The following PXDNL variants were observed in gnomAD, a reference collection of about 807,000 sequenced individuals.
The protein encoded by PXDNL is probable oxidoreductase PXDNL.
Under a neutral mutation model 150.8 loss-of-function variants are expected in PXDNL, and 145 were observed. The ratio of observed to expected loss-of-function variants is 0.96; its 90% CI spans 0.84 to 1.10. The LOEUF is 1.10. Among genes scored for constraint, PXDNL ranks in the 50% least tolerant of loss-of-function variants. The pLI, the probability that PXDNL is intolerant of heterozygous loss-of-function variation, is 0.00. For missense variants in PXDNL, 2,087 were observed against 1,873.9 expected (o/e 1.11, Z -2.10); for synonymous variants, 757 against 725.7 (o/e 1.04, Z -0.69).
chr8:51,724,828 T>C (rs1469925405), intron 1 of PXDNL, among the ~76,000 whole-genome samples: 1 of 152,160 alleles, frequency 6.6e-6, no homozygotes, highest in Non-Finnish European at 1.5e-5. Flanking sequence ...TGAACTCTAT[T>C]GCCTTTCTCA....
At chr8:51,365,949 A>G (rs1242709674) in intron 19 of PXDNL, among the ~76,000 whole-genome samples, 1 of 152,218 alleles carries the variant, frequency 6.6e-6, no homozygotes, top group Non-Finnish European at 1.5e-5. Flanking sequence ...AAGGAAGGAG[A>G]TAGGTCCTAA....
chr8:51,371,446 T>C (rs754681928), intron 19 of PXDNL, among the ~76,000 whole-genome samples: 5 of 152,254 alleles, frequency 3.3e-5, no homozygotes, highest in Non-Finnish European at 7.3e-5. Flanking sequence ...AATTTCCTTG[T>C]ACTTCCAATG....
At chr8:51,367,507 C>T in intron 19 of PXDNL, among the ~76,000 whole-genome samples, 1 of 152,200 alleles carries the variant, frequency 6.6e-6, no homozygotes, top group East Asian at 1.9e-4. Context: ...AGAAATAAAT[C>T]TGACAACACT....
intron 1 of PXDNL, among the ~76,000 whole-genome samples, chr8:51,727,140 G>T (rs1299675007): frequency 6.6e-6 from 1 of 152,168 alleles, no homozygotes; most frequent in African/African-American, 2.4e-5. Context: ...TTCCTGAGAT[G>T]CTACAAAACA....
intron 17 of PXDNL, among the ~76,000 whole-genome samples, chr8:51,387,177 T>C (rs543372382): frequency 2.3e-4 from 34 of 150,984 alleles, no homozygotes; most frequent in Admixed American, 9.8e-4. Context: ...CACCCACTCT[T>C]ACAATTCTCC....
intron 4 of PXDNL, among the ~76,000 whole-genome samples, chr8:51,511,160 C>T (rs2130344866): frequency 6.6e-6 from 1 of 152,266 alleles, no homozygotes; most frequent in South Asian, 2.1e-4. Context: ...CTGCACTCAT[C>T]TTCTTATTTG....
At chr8:51,612,696 C>T (rs1814039105) in intron 2 of PXDNL, among the ~76,000 whole-genome samples, 2 of 152,184 alleles carry the variant, frequency 1.3e-5, no homozygotes, top group African/African-American at 4.8e-5. Flanking sequence ...TGGGAGGACA[C>T]AGGGAGAAGT....
At chr8:51,750,188 AT>A (rs903109941) in intron 1 of PXDNL, among the ~76,000 whole-genome samples, 8 of 151,670 alleles carry the variant, frequency 5.3e-5, no homozygotes, top group South Asian at 2.1e-4. Flanking sequence ...AGCTTTTTAA[AT>A]TTTTTTTTCT....
chr8:51,352,750 T>C (rs1263540482), intron 19 of PXDNL, among the ~76,000 whole-genome samples: 2 of 152,206 alleles, frequency 1.3e-5, no homozygotes, highest in Non-Finnish European at 2.9e-5. Flanking sequence ...AATGGACTAA[T>C]ACAATGGAAT....
At chr8:51,394,263 G>A (rs1808005996) in intron 17 of PXDNL, among the ~76,000 whole-genome samples, 1 of 152,120 alleles carries the variant, frequency 6.6e-6, no homozygotes, top group South Asian at 2.1e-4. Context: ...ACTCCTTTTT[G>A]TGCAACAAAC....
At chr8:51,399,406 T>C (rs999643574) in intron 17 of PXDNL, among the ~76,000 whole-genome samples, 1 of 152,104 alleles carries the variant, frequency 6.6e-6, no homozygotes, top group Non-Finnish European at 1.5e-5. Flanking sequence ...ATGAACAAAA[T>C]ATATGATCTA....
At chr8:51,493,753 C>A (rs1810961036) in intron 5 of PXDNL, among the ~76,000 whole-genome samples, 1 of 152,286 alleles carries the variant, frequency 6.6e-6, no homozygotes, top group East Asian at 1.9e-4. Flanking sequence ...AAGAAATGAA[C>A]AAAGCCTCCA....
At chr8:51,689,430 C>T (rs931931920) in intron 1 of PXDNL, among the ~76,000 whole-genome samples, 56 of 151,966 alleles carry the variant, frequency 3.7e-4, no homozygotes, top group African/African-American at 1.2e-3. Flanking sequence ...ATCAAACCAA[C>T]GCAGGGCAAA....
chr8:51,526,164 A>G (rs955576500), intron 4 of PXDNL, among the ~76,000 whole-genome samples: 4 of 152,198 alleles, frequency 2.6e-5, no homozygotes, highest in African/African-American at 9.7e-5. Flanking sequence ...CATCCAGGAC[A>G]GACAGGTGGA....
chr8:51,496,444 A>T (rs533793095), intron 5 of PXDNL, among the ~76,000 whole-genome samples: 1 of 152,320 alleles, frequency 6.6e-6, no homozygotes, highest in Non-Finnish European at 1.5e-5. Flanking sequence ...ATTAGGCAGG[A>T]GAAGGAAATA....
At chr8:51,465,804 A>G (rs556097414) in intron 8 of PXDNL, among the ~76,000 whole-genome samples, 1 of 152,286 alleles carries the variant, frequency 6.6e-6, no homozygotes, top group South Asian at 2.1e-4. Context: ...TACAATAGCC[A>G]CAAAAAGAAA....
At chr8:51,568,478 T>C (rs1443000957) in intron 3 of PXDNL, among the ~76,000 whole-genome samples, 3 of 151,920 alleles carry the variant, frequency 2.0e-5, no homozygotes, top group Non-Finnish European at 4.4e-5. Flanking sequence ...GTGTAATTTG[T>C]ATCCTTTTTC....
intron 17 of PXDNL, among the ~76,000 whole-genome samples, chr8:51,404,318 C>T (rs1029816105): frequency 2.0e-5 from 3 of 152,222 alleles, no homozygotes; most frequent in Non-Finnish European, 4.4e-5. Flanking sequence ...GCTGATTGGT[C>T]CATTTTACAG....
chr8:51,464,543 A>G (rs1454843804), intron 8 of PXDNL, among the ~76,000 whole-genome samples: 1 of 152,196 alleles, frequency 6.6e-6, no homozygotes, highest in East Asian at 1.9e-4. Context: ...TGATACTACA[A>G]CAATTCCCAC....
Sources: gnomAD v4.1 joint callset for allele counts (sites outside exome capture counted in the v4.1 genomes callset) on GRCh38, gnomAD v4.1.1 for gene constraint, MANE v1.5 for transcripts, NCBI Gene and HGNC (gene_info 2026-07-23, HGNC 2026-07-21) for gene names.